The following IL18RAP variants were observed in gnomAD, a reference collection of about 807,000 sequenced individuals.
IL18RAP encodes interleukin-18 receptor accessory protein.
In IL18RAP, 37 loss-of-function variants were observed where a neutral mutation model predicts 58.1. That is an observed-to-expected ratio of 0.64 (90% CI 0.49 to 0.84). The LOEUF is 0.84. Ranked by LOEUF, IL18RAP falls within the 40% of genes least tolerant of loss-of-function variation. The probability of loss-of-function intolerance (pLI) is 0.00; values close to 1 mark genes in which losing one functional copy is unlikely to be tolerated. For missense variants in IL18RAP, 667 were observed against 704.8 expected, an observed-to-expected ratio of 0.95 and a Z score of 0.61; for synonymous variants, 268 against 257.5, an observed-to-expected ratio of 1.04 and a Z score of -0.39.
intron 3 of IL18RAP, chr2:102,434,046 T>C (rs1290901027): frequency 1.3e-5 from 2 of 152,262 alleles, no homozygotes; most frequent in Non-Finnish European, 2.9e-5. Context: ...ATTTAGATTA[T>C]ATTTCTCAAA....
At position 102,452,114 on chromosome 2, in the gene IL18RAP, T is replaced by C. The variant is rs778069779; in HGVS notation, c.1733T>C (p.Ile578Thr). ...AACCAGCTCAGAATTACCTCTAGGA[T>C]TTTTCAGTGGAAAGGACTCAGTAGA... ...TWNQLRITSR[I>T]FQWKGLSRTE... The change falls in exon 10 of 10, where the codon ATT (isoleucine) becomes ACT (threonine). Residue 578 changes from isoleucine (I) to threonine (T), a missense_variant. Ile to Thr is a moderately conservative substitution (Grantham distance 89, BLOSUM62 -1). Coordinates refer to ENST00000687160, the MANE Select transcript of IL18RAP (RefSeq NM_001393487.1). 4 of 1,613,858 alleles carry C rather than the reference T, an allele frequency of 2.5e-6. No homozygotes were observed. In the South Asian group the frequency reaches 4.4e-5, roughly 18 times the overall value.
intron 6 of IL18RAP, among the ~76,000 whole-genome samples, chr2:102,444,141 A>T (rs1683274256): frequency 6.6e-6 from 1 of 152,228 alleles, no homozygotes; most frequent in African/African-American, 2.4e-5. Context: ...AACAGATATC[A>T]ATAAGAAAAT....
chr2:102,436,746 T>TGTTTATATACGTA (rs1682766575), intron 3 of IL18RAP, among the ~76,000 whole-genome samples: 1 of 152,120 alleles, frequency 6.6e-6, no homozygotes, highest in Non-Finnish European at 1.5e-5. Context: ...AGTATGTATC[T>TGTTTATATACGTA]GTTTATATAC....
chr2:102,423,234 A>G lies in IL18RAP; in HGVS notation c.-44A>G, dbSNP rs1287692023. On this transcript the variant is annotated 5_prime_UTR_variant, in exon 1 of 10. Transcript: ENST00000687160. Reference sequence around the variant, plus strand: ...AATCTCAAAACACTCTACTCTGGCAAAGGAATGAAGTTATTGGAGTGATGA... The same window carrying G: ...AATCTCAAAACACTCTACTCTGGCAGAGGAATGAAGTTATTGGAGTGATGA... 6.4e-7 allele frequency: 1 copy of G among 1,574,212 alleles called. No individual in the cohort carries two copies.
chr2:102,423,472 G>A (rs1681709758), intron 1 of IL18RAP, 125 bp downstream of exon 1: 2 of 832,674 alleles, frequency 2.4e-6, no homozygotes, highest in Middle Eastern at 2.4e-4. Context: ...ATTAAAAGGG[G>A]ACTGAGAGGA....
At chr2:102,433,445 A>G (rs1682528000) in intron 3 of IL18RAP, among the ~76,000 whole-genome samples, 1 of 152,142 alleles carries the variant, frequency 6.6e-6, no homozygotes. Context: ...GCTGGTTTCA[A>G]ATTCATGGTT....
chr2:102,421,705 T>C (rs1434569260), upstream of IL18RAP, among the ~76,000 whole-genome samples: 1 of 152,198 alleles, frequency 6.6e-6, no homozygotes, highest in African/African-American at 2.4e-5. Flanking sequence ...CTTTCTTCCA[T>C]GAACACGCCT....
intron 3 of IL18RAP, among the ~76,000 whole-genome samples, chr2:102,426,349 T>A (rs1388198335): frequency 6.6e-6 from 1 of 152,128 alleles, no homozygotes; most frequent in Non-Finnish European, 1.5e-5. Flanking sequence ...ACAACTGAAA[T>A]AAATCCCTGG....
chr2:102,437,187 C>A, intron 3 of IL18RAP, 25 bp from the exon 4 acceptor site: 2 of 1,577,540 alleles, frequency 1.3e-6, no homozygotes, highest in Non-Finnish European at 1.7e-6. Flanking sequence ...GCAAATTTAT[C>A]TGCTTAAAAT....
At chr2:102,431,493 C>G (rs1321883551) in intron 3 of IL18RAP, among the ~76,000 whole-genome samples, 6 of 152,154 alleles carry the variant, frequency 3.9e-5, no homozygotes, top group Non-Finnish European at 1.5e-5. Flanking sequence ...AGCTGATATT[C>G]CCTTAAATAT....
intron 3 of IL18RAP, among the ~76,000 whole-genome samples, chr2:102,436,696 C>T (rs1573284232): frequency 1.3e-5 from 2 of 152,192 alleles, no homozygotes; most frequent in Admixed American, 6.5e-5. Flanking sequence ...AAAAGCCACT[C>T]ACGTTCCAGA....
intron 4 of IL18RAP, among the ~76,000 whole-genome samples, chr2:102,441,073 C>A (rs957565457): frequency 1.3e-5 from 2 of 152,146 alleles, no homozygotes; most frequent in African/African-American, 4.8e-5. Context: ...TGCACACAAG[C>A]AGATATGGAT....
At chr2:102,421,672 G>A (rs772977746), upstream of IL18RAP, among the ~76,000 whole-genome samples, 25 of 152,162 alleles carry the variant, frequency 1.6e-4, no homozygotes, top group Non-Finnish European at 1.6e-4. Flanking sequence ...ATTCTGCAAG[G>A]CGCATTGCAC....
Position 102,452,167 on chromosome 2 carries a change from C to A in IL18RAP, c.1786C>A (p.Pro596Thr). Residue 596 changes from proline to threonine, a missense_variant, in exon 10 of 10, where the codon CCT becomes ACT. Physicochemically the swap from Pro to Thr is conservative, Grantham distance 38. Coordinates refer to ENST00000687160, the MANE Select transcript of IL18RAP (RefSeq NM_001393487.1). ...AGAAACCACTGGGAGGAGCTCCCAG[C>A]CTAAGGAATGGTGAAATGAGCCCTG... ...RTETTGRSSQ[P>T]KEW The A allele has an allele frequency of 6.2e-7, 1 of 1,604,544 alleles. No homozygotes were observed. Among genetic ancestry groups the A allele is most frequent in the Non-Finnish European group, 8.5e-7 (1 of 1,175,526 alleles).
rs1683789186 is a variant in IL18RAP at position 102,451,861 on chromosome 2, C to T, written c.1480C>T (p.Leu494=). ...TGTCAATGGACCCAGTATCTTTGAA[C>T]TACAAGCAGCAGTGAATCTTGCCTT... ...NYVNGPSIFE[L]QAAVNLALDD... Residue 494 remains leucine (L), a synonymous_variant, in exon 10 of 10, where the codon CTA becomes TTA. Coordinates refer to ENST00000687160, the MANE Select transcript of IL18RAP (RefSeq NM_001393487.1). 6.2e-7 allele frequency: 1 copy of T among 1,614,136 alleles called. No individual in the cohort carries two copies.
chr2:102,434,166 T>A (rs754485379), intron 3 of IL18RAP: 1 of 152,224 alleles, frequency 6.6e-6, no homozygotes, highest in Non-Finnish European at 1.5e-5. Flanking sequence ...CAATCATCTG[T>A]ATGCTGTCTA....
At chr2:102,445,608 TCATTCATTCACG>T (rs1683366197) in intron 7 of IL18RAP, among the ~76,000 whole-genome samples, 1 of 152,234 alleles carries the variant, frequency 6.6e-6, no homozygotes, top group Non-Finnish European at 1.5e-5. Context: ...ATTCATGCAC[TCATTCATTCACG>T]CATTCATTCT....
chr2:102,450,805 A>T (rs1280488897), intron 8 of IL18RAP, 43 bp from the exon 9 acceptor site: 1 of 1,337,620 alleles, frequency 7.5e-7, no homozygotes, highest in African/African-American at 1.5e-5. Context: ...AGTAAAAAAA[A>T]GAGTAAATGA....
intron 3 of IL18RAP, chr2:102,434,299 G>A (rs1682588967): frequency 6.6e-6 from 1 of 152,178 alleles, no homozygotes; most frequent in Non-Finnish European, 1.5e-5. Context: ...GAGTTGGCAG[G>A]CAAGTCTTTC....
Sources: gnomAD v4.1 joint callset for allele counts (sites outside exome capture counted in the v4.1 genomes callset) on GRCh38, gnomAD v4.1.1 for gene constraint, MANE v1.5 for transcripts, NCBI Gene and HGNC (gene_info 2026-07-23, HGNC 2026-07-21) for gene names.